TRPS1: variants seen among roughly 807,000 people sequenced by gnomAD.
TRPS1 encodes zinc finger transcription factor Trps1.
A neutral mutation model predicts 101.2 loss-of-function variants in TRPS1; 6 were observed. The ratio of observed to expected loss-of-function variants is 0.06; its 90% confidence interval spans 0.03 to 0.12. The LOEUF (loss-of-function observed/expected upper bound fraction) is 0.12. Ranked by LOEUF, TRPS1 falls within the 10% of genes least tolerant of loss-of-function variation. The pLI, the probability that TRPS1 is intolerant of heterozygous loss-of-function variation, is 1.00. For missense variants in TRPS1, 1,363 were observed against 1,567.0 expected (o/e 0.87, Z 2.20); for synonymous variants, 578 against 589.8 (o/e 0.98, Z 0.29).
At chr8:115,615,988 G>A (rs537826536) in intron 3 of TRPS1, among the ~76,000 whole-genome samples, 1 of 152,220 alleles carries the variant, frequency 6.6e-6, no homozygotes, top group Non-Finnish European at 1.5e-5. Flanking sequence ...TAACATCCTG[G>A]TCAAATCAAT....
chr8:115,465,317 T>C (rs919653180), intron 5 of TRPS1, among the ~76,000 whole-genome samples: 4 of 152,102 alleles, frequency 2.6e-5, no homozygotes, highest in Non-Finnish European at 5.9e-5. Context: ...AGTTCTAGCA[T>C]CAAAAATGTG....
At chr8:115,556,779 T>C (rs1041049165) in intron 5 of TRPS1, among the ~76,000 whole-genome samples, 3 of 152,182 alleles carry the variant, frequency 2.0e-5, no homozygotes, top group Non-Finnish European at 4.4e-5. Flanking sequence ...TCTAGTGGCA[T>C]TTCCTATTTT....
At position 115,587,504 on chromosome 8, in the gene TRPS1, C is replaced by T; in HGVS notation, c.2197G>A (p.Asp733Asn). Residue 733 changes from aspartate to asparagine, a missense_variant, in exon 5 of 7, where the codon GAC becomes AAC. Around this residue, in one of 5 missense-constraint regions of TRPS1, gnomAD observed 1,020 missense variants for 1,073.0 expected, o/e 0.95. Coordinates refer to ENST00000395715, the MANE Select transcript of TRPS1 (RefSeq NM_014112.5). ...TCTTCGCCGTTGGCTGTAGTGATGT[C>T]CTGTTCCTGGCAGTGAACAGTGTTG... ...HFNTVHCQEQ[D>N]ITTANGEEDG... 1.9e-6 allele frequency: 3 copies of T among 1,614,092 alleles called. No homozygotes were observed. The highest frequency in any genetic ancestry group is 2.2e-5 in the East Asian group (1 of 44,872).
intron 5 of TRPS1, among the ~76,000 whole-genome samples, chr8:115,549,928 T>G (rs958909914): frequency 6.6e-6 from 1 of 152,048 alleles, no homozygotes; most frequent in Non-Finnish European, 1.5e-5. Context: ...ACAAAAATGA[T>G]TTCTAGGCTG....
intron 5 of TRPS1, among the ~76,000 whole-genome samples, chr8:115,523,677 C>T (rs184668987): frequency 3.3e-4 from 50 of 152,214 alleles, no homozygotes; most frequent in Non-Finnish European, 6.0e-4. Context: ...TTTAATATAT[C>T]GCAAAGCCAA....
chr8:115,499,947 CTTTCTTTCTTTCTTTCTTTTCT>C lies in TRPS1; in HGVS notation c.2701-81517_2701-81496del, dbSNP rs762483115. Among the ~76,000 whole-genome samples the C allele has an allele frequency of 7.9e-3, 530 of 66,876 alleles. 2 individuals carry two copies. Among genetic ancestry groups the C allele is most frequent in the South Asian group, 0.019 (33 of 1,700 alleles). The allele number at this position is 66,876 out of a possible 152,430, so 43.9% of individuals were successfully genotyped here. A position where few individuals can be genotyped will look rare whatever the true frequency, so the allele number is the denominator to read the frequency against. The stretch of plus-strand genomic sequence containing the variant: ...TCTTTCTTTCTTTCTTTCTTTCTTT[CTTTCTTTCTTTCTTTCTTTTCT>C]TTTCTTTTCTTTTCTTTTCTTTTCT... On this transcript the variant is annotated intron_variant, in intron 5 of 6. Coordinates refer to ENST00000395715, the MANE Select transcript of TRPS1 (RefSeq NM_014112.5).
In TRPS1 at chr8:115,414,958, T is replaced by C; in HGVS notation, c.2950A>G (p.Asn984Asp). 2 of 1,590,024 alleles carry C rather than the reference T, an allele frequency of 1.3e-6. No homozygotes were observed. The highest frequency in any genetic ancestry group is 1.7e-6 in the Non-Finnish European group (2 of 1,169,222). The change falls in exon 7 of 7, where the codon AAT (asparagine) becomes GAT (aspartate). Residue 984 changes from asparagine to aspartate, a missense_variant. By Grantham distance (23) the Asn-to-Asp change is conservative. This residue lies in a region of TRPS1 where 307 missense variants were observed against 392.4 expected (regional missense o/e 0.78). Transcript: ENST00000395715. This position sits in a 1 kb window ranked among gnomAD's most constrained non-coding sequence, Gnocchi z 4.8. ...EQLNKQQRGS[N>D]EEQVNGSPLE... is the part of the protein sequence containing the mutation. ...GGGCTTCCATTGACTTGCTCCTCAT[T>C]GCTGCCCCTCTGCTGTTTGTTGAGC...
rs762659854 is a variant in TRPS1 at position 115,623,568 on chromosome 8, T to A, written c.37+33A>T. ...ACTGTGTGCCAAGAACTTTTCCAGT[T>A]AACATTTTCACTTGAAAAAATAGAT... On this transcript the variant is annotated intron_variant, in intron 2 of 6. Coordinates refer to ENST00000395715, the MANE Select transcript of TRPS1 (RefSeq NM_014112.5). The A allele has an allele frequency of 2.5e-6, 4 of 1,609,450 alleles. No individual in the cohort carries two copies. In the South Asian group the frequency reaches 4.4e-5, roughly 18 times the overall value.
intron 5 of TRPS1, among the ~76,000 whole-genome samples, chr8:115,526,954 A>C (rs1318388398): frequency 1.3e-5 from 2 of 152,168 alleles, no homozygotes; most frequent in African/African-American, 4.8e-5. Context: ...TTCCTTTCAT[A>C]GATTTTTCCA....
chr8:115,581,651 T>C (rs1817455559), intron 5 of TRPS1, among the ~76,000 whole-genome samples: 1 of 152,112 alleles, frequency 6.6e-6, no homozygotes, highest in African/African-American at 2.4e-5. Context: ...TCTATACCTA[T>C]GGAATATGGA....
intron 1 of TRPS1, chr8:115,667,771 T>A: frequency 6.9e-7 from 1 of 1,445,884 alleles, no homozygotes; most frequent in Non-Finnish European, 9.2e-7. Flanking sequence ...ATTTGCAAAC[T>A]CTTCAAAGCC....
chr8:115,408,552 C>G lies in TRPS1; in HGVS notation c.*5471G>C, dbSNP rs970310280. On this transcript the variant is annotated 3_prime_UTR_variant, in exon 7 of 7. Transcript: ENST00000395715. Reference sequence around the variant, plus strand: ...AGTTTAGATGTAACAGACATCTTTGCTGCCTGAAGATTGTTTGCATAAGAA... The same window carrying G: ...AGTTTAGATGTAACAGACATCTTTGGTGCCTGAAGATTGTTTGCATAAGAA... 1 of 150,362 alleles carries G rather than the reference C, an allele frequency of 6.7e-6. No homozygotes were observed. The highest frequency in any genetic ancestry group is 2.1e-4 in the South Asian group (1 of 4,732). 9.3% of individuals were successfully genotyped at this position (150,362 alleles called of 1,614,324 possible).
chr8:115,599,798 C>T (rs1817869185), intron 4 of TRPS1, among the ~76,000 whole-genome samples: 2 of 152,182 alleles, frequency 1.3e-5, no homozygotes, highest in Admixed American at 6.5e-5. Context: ...GTACAATAAA[C>T]ATACATGTGC....
chr8:115,448,629 C>T (rs1048708807), intron 5 of TRPS1, among the ~76,000 whole-genome samples: 1 of 152,182 alleles, frequency 6.6e-6, no homozygotes, highest in African/African-American at 2.4e-5. Flanking sequence ...GAAATGCATT[C>T]ATCTCTCACT....
At chr8:115,618,015 A>G (rs543961506) in intron 3 of TRPS1, among the ~76,000 whole-genome samples, 3 of 152,182 alleles carry the variant, frequency 2.0e-5, no homozygotes, top group Admixed American at 1.3e-4. Flanking sequence ...AAATATGTTC[A>G]CTACCTGTTA....
chr8:115,434,684 T>C (rs984187521), intron 5 of TRPS1, among the ~76,000 whole-genome samples: 5 of 152,216 alleles, frequency 3.3e-5, no homozygotes, highest in African/African-American at 4.8e-5. Flanking sequence ...GTCCTAGCCA[T>C]AAACATTGGT....
At chr8:115,492,932 T>G (rs1314387652) in intron 5 of TRPS1, among the ~76,000 whole-genome samples, 1 of 152,044 alleles carries the variant, frequency 6.6e-6, no homozygotes, top group Admixed American at 6.6e-5. Context: ...CCAGGCTGGT[T>G]TTGAACACTT....
intron 4 of TRPS1, among the ~76,000 whole-genome samples, chr8:115,595,293 C>T (rs1817761472): frequency 6.6e-6 from 1 of 151,750 alleles, no homozygotes; most frequent in Non-Finnish European, 1.5e-5. Flanking sequence ...ATTACTGCCA[C>T]TGTAAAATGA....
intron 5 of TRPS1, among the ~76,000 whole-genome samples, chr8:115,488,612 T>C (rs1814945529): frequency 6.6e-6 from 1 of 151,936 alleles, no homozygotes; most frequent in African/African-American, 2.4e-5. Flanking sequence ...GAGGTGGAGG[T>C]TGCAGTGAGC....
Sources: allele counts gnomAD v4.1 joint callset (sites outside exome capture counted in the v4.1 genomes callset), GRCh38; gene constraint gnomAD v4.1.1; regional missense constraint gnomAD v4.1.1; non-coding constraint Gnocchi (gnomAD v3.1); transcripts MANE v1.5; gene names NCBI Gene and HGNC (gene_info 2026-07-23, HGNC 2026-07-21).